The following NRDC variants were observed in gnomAD, a reference collection of about 807,000 sequenced individuals.
NRDC encodes nardilysin.
A neutral mutation model predicts 147.1 loss-of-function variants in NRDC; 54 were observed. That is an observed-to-expected ratio of 0.37 (90% CI 0.29 to 0.46). The LOEUF is 0.46. Among genes scored for constraint, NRDC ranks in the 20% least tolerant of loss-of-function variants. The pLI is 1.00. For synonymous variants in NRDC, 440 were observed against 482.1 expected, an observed-to-expected ratio of 0.91 and a Z score of 1.14; for missense variants, 1,082 against 1,370.6, an observed-to-expected ratio of 0.79 and a Z score of 3.33.
chr1:51,823,707 A>G lies in NRDC; in HGVS notation c.1116T>C (p.Arg372=). 1.2e-6 allele frequency: 2 copies of G among 1,608,140 alleles called. No individual in the cohort carries two copies. The highest frequency in any genetic ancestry group is 1.7e-6 in the Non-Finnish European group (2 of 1,174,804). ...AAGTCATGTAATGAGAAGAGTAGTAACGCATCCAGAATTCTCTCAATCTAG... is the reference window on the plus strand; with the variant it reads ...AAGTCATGTAATGAGAAGAGTAGTAGCGCATCCAGAATTCTCTCAATCTAG... ...THARLREFWM[R]YYSSHYMTLV... The change falls in exon 7 of 31, where the codon CGT becomes CGC. Residue 372 remains arginine (R), a synonymous_variant. Coordinates refer to ENST00000352171, the MANE Select transcript of NRDC (RefSeq NM_001101662.2).
At chr1:51,865,925 G>A (rs1682782952) in intron 1 of NRDC, among the ~76,000 whole-genome samples, 1 of 151,882 alleles carries the variant, frequency 6.6e-6, no homozygotes, top group African/African-American at 2.4e-5. Context: ...TGGGCATGGT[G>A]GCAGGCACCT....
chr1:51,846,571 G>C (rs529002317), intron 1 of NRDC, among the ~76,000 whole-genome samples: 9 of 152,334 alleles, frequency 5.9e-5, no homozygotes, highest in African/African-American at 2.2e-4. Context: ...CCAATGTTCG[G>C]ATGTGTTCAG....
At chr1:51,838,280 G>C (rs1571886789) in intron 2 of NRDC, among the ~76,000 whole-genome samples, 1 of 152,248 alleles carries the variant, frequency 6.6e-6, no homozygotes, top group South Asian at 2.1e-4. Context: ...CCTGCTGCTA[G>C]AAAAGATCAA....
At chr1:51,803,076 A>G (rs967613440) in intron 20 of NRDC, among the ~76,000 whole-genome samples, 27 of 152,216 alleles carry the variant, frequency 1.8e-4, no homozygotes, top group Non-Finnish European at 3.8e-4. Flanking sequence ...TAAACTTAGA[A>G]GGGAAACAAG....
chr1:51,816,805 G>A (rs1035814284), intron 10 of NRDC, among the ~76,000 whole-genome samples: 1 of 152,160 alleles, frequency 6.6e-6, no homozygotes, highest in African/African-American at 2.4e-5. Context: ...GTTGTTCAGA[G>A]GGTCAGAAAA....
intron 22 of NRDC, chr1:51,795,087 C>A: frequency 6.9e-7 from 1 of 1,457,204 alleles, no homozygotes. Flanking sequence ...ATCTGTTTAC[C>A]CATAATACAG....
rs1391421261 is a variant in NRDC, at chr1:51,825,010, T to C, written c.1036+277A>G. ...TGGTACCTATCTCTGAACATTGTGA[T>C]AATGATCAAATGAAATAATTCATGT... On this transcript the variant is annotated intron_variant, in intron 6 of 30. Transcript: ENST00000352171. Among the ~76,000 whole-genome samples, 8 of 152,204 alleles carry C rather than the reference T, an allele frequency of 5.3e-5. No homozygotes were observed. In the East Asian group the frequency reaches 1.2e-3, roughly 22 times the overall value.
chr1:51,810,322 T>G lies in NRDC; in HGVS notation c.1862A>C (p.Asp621Ala), dbSNP rs748900677. 7.4e-6 allele frequency: 12 copies of G among 1,611,156 alleles called. No homozygotes were observed. The Admixed American group carries it at 1.0e-4, about 13-fold the overall frequency. Reference protein sequence around the residue: ...LLSGANEGKCDLKEKWFGTQY... With the variant: ...LLSGANEGKCALKEKWFGTQY... ...AGTTCCAAACCATTTCTCCTTGAGG[T>G]CACATTTTCCCTCATTAGCACCAGA... The change falls in exon 16 of 31, where the codon GAC (aspartate) becomes GCC (alanine). Residue 621 changes from aspartate (D) to alanine (A), a missense_variant. Physicochemically the swap from Asp to Ala is moderately radical, Grantham distance 126 (BLOSUM62 -2). Coordinates refer to ENST00000352171, the MANE Select transcript of NRDC (RefSeq NM_001101662.2).
chr1:51,837,365 C>T (rs1681038493), intron 2 of NRDC: 1 of 936,130 alleles, frequency 1.1e-6, no homozygotes, highest in East Asian at 2.8e-5. Flanking sequence ...AACAGCCTCA[C>T]TTGATACTAT....
intron 16 of NRDC, 124 bp from the exon 17 acceptor site, chr1:51,809,525 A>G: frequency 1.3e-6 from 1 of 741,386 alleles, no homozygotes; most frequent in Non-Finnish European, 2.4e-6. Context: ...TGTGACTGAC[A>G]CATATCCAGG....
intron 20 of NRDC, 82 bp from the exon 21 acceptor site, chr1:51,800,765 T>C (rs1679155969): frequency 2.1e-6 from 3 of 1,406,024 alleles, no homozygotes; most frequent in Non-Finnish European, 2.9e-6. Context: ...CTTTGGTTTT[T>C]ACCAGGTACC....
At chr1:51,802,876 C>A (rs1679275761) in intron 20 of NRDC, among the ~76,000 whole-genome samples, 1 of 152,036 alleles carries the variant, frequency 6.6e-6, no homozygotes, top group Non-Finnish European at 1.5e-5. Flanking sequence ...ACCCAAGAAA[C>A]CTAGATATAA....
rs966787449 is a variant in NRDC at position 51,815,005 on chromosome 1, G to A, written c.1440-192C>T. Among the ~76,000 whole-genome samples, 7 of 152,026 alleles carry A rather than the reference G, an allele frequency of 4.6e-5. No individual in the cohort carries two copies. The South Asian group carries it at 1.0e-3, about 23-fold the overall frequency. ...GCACAAAGCCTCCCAAGGAATTGTG[G>A]TACATTTAGGAATCACCAGAAGGAA... On this transcript the variant is annotated intron_variant, in intron 11 of 30. Coordinates refer to ENST00000352171, the MANE Select transcript of NRDC (RefSeq NM_001101662.2).
intron 5 of NRDC, 88 bp from the exon 6 acceptor site, chr1:51,825,470 G>C: frequency 9.9e-7 from 1 of 1,013,074 alleles, no homozygotes; most frequent in Non-Finnish European, 1.5e-6. Flanking sequence ...CAGAAAGCAA[G>C]GAATTAACAA....
chr1:51,843,301 C>CA (rs924528553), intron 1 of NRDC, among the ~76,000 whole-genome samples: 1 of 86,844 alleles, frequency 1.2e-5, no homozygotes, highest in Non-Finnish European at 2.3e-5. Flanking sequence ...ACTCCAAAGA[C>CA]AAAAAAGGTT....
intron 4 of NRDC, among the ~76,000 whole-genome samples, chr1:51,831,111 T>A (rs955340702): frequency 2.0e-5 from 3 of 152,156 alleles, no homozygotes; most frequent in African/African-American, 7.2e-5. Context: ...GGCTTTCTTT[T>A]TAAATAAAAA....
In NRDC at chr1:51,800,438, G is replaced by C. The variant is rs961112748; in HGVS notation, c.2441+118C>G. 19 of 1,168,978 alleles carry C rather than the reference G, an allele frequency of 1.6e-5. No individual in the cohort carries two copies. In the East Asian group the frequency reaches 4.3e-4, roughly 26 times the overall value. 72.4% of individuals were successfully genotyped at this position (1,168,978 alleles called of 1,614,324 possible). ...GCACGGGTCTCCTAAACTAGAGCAC[G>C]ATTCAAACACGGATGAAAATTAGCA... On this transcript the variant is annotated intron_variant, in intron 21 of 30. Coordinates refer to ENST00000352171, the MANE Select transcript of NRDC (RefSeq NM_001101662.2).
rs1680959265 is a variant in NRDC, at chr1:51,836,098, A to C, written c.712+33T>G. The stretch of plus-strand genomic sequence containing the variant: ...ATATAAGTTTGGAGGGGGGAAAAAA[A>C]CACACCAGGAATGATATTTTACAAA... On this transcript the variant is annotated intron_variant, in intron 3 of 30. Coordinates refer to ENST00000352171, the MANE Select transcript of NRDC (RefSeq NM_001101662.2). 4.5e-6 allele frequency: 7 copies of C among 1,566,882 alleles called. No individual in the cohort carries two copies. The East Asian group carries it at 1.6e-4, about 35-fold the overall frequency.
chr1:51,836,498 C>G lies in NRDC; in HGVS notation c.631-286G>C, dbSNP rs1342804515. The G allele has an allele frequency of 7.2e-6, 10 of 1,382,256 alleles. No homozygotes were observed. In the African/African-American group the frequency reaches 1.0e-4, roughly 14 times the overall value. 85.6% of individuals were successfully genotyped at this position (1,382,256 alleles called of 1,614,324 possible). A position where few individuals can be genotyped will look rare whatever the true frequency, so the allele number is the denominator to read the frequency against. On this transcript the variant is annotated intron_variant, in intron 2 of 30. Coordinates refer to ENST00000352171, the MANE Select transcript of NRDC (RefSeq NM_001101662.2). Reference sequence around the variant, plus strand: ...GGGAAGAGGGACTGGACAGCCCACCCAAATATCATTTCATGTCAGCATTTC... The same window carrying G: ...GGGAAGAGGGACTGGACAGCCCACCGAAATATCATTTCATGTCAGCATTTC...
Sources: allele counts gnomAD v4.1 joint callset (sites outside exome capture counted in the v4.1 genomes callset), GRCh38; gene constraint gnomAD v4.1.1; transcripts MANE v1.5; gene names NCBI Gene and HGNC (gene_info 2026-07-23, HGNC 2026-07-21).